The following DAB2IP variants were observed in gnomAD, a reference collection of about 807,000 sequenced individuals.
DAB2IP encodes the protein DAB2 interacting protein.
A neutral mutation model predicts 107.2 loss-of-function variants in DAB2IP; 28 were observed. The ratio of observed to expected loss-of-function variants is 0.26; its 90% CI spans 0.19 to 0.36. DAB2IP has a LOEUF of 0.36. Ranked by LOEUF, DAB2IP falls within the 10% of genes least tolerant of loss-of-function variation. The pLI is 1.00. For synonymous variants in DAB2IP, 755 were observed against 706.4 expected, an observed-to-expected ratio of 1.07 and a Z score of -1.09; for missense variants, 1,400 against 1,644.7, an observed-to-expected ratio of 0.85 and a Z score of 2.57.
At chr9:121,615,070 C>T (rs1831223154) in intron 1 of DAB2IP, among the ~76,000 whole-genome samples, 1 of 152,084 alleles carries the variant, frequency 6.6e-6, no homozygotes, top group African/African-American at 2.4e-5. Context: ...GCACTGTGCC[C>T]TCCATGAAAT....
intron 1 of DAB2IP, among the ~76,000 whole-genome samples, chr9:121,602,811 G>A (rs940543603): frequency 7.2e-5 from 11 of 152,176 alleles, no homozygotes; most frequent in Non-Finnish European, 1.6e-4. Flanking sequence ...TCCTGACCTC[G>A]TGATCCGCCC....
exon 16 of DAB2IP, chr9:121,784,287 A>G (rs1835854628): frequency 6.5e-6 from 1 of 153,254 alleles, no homozygotes; most frequent in African/African-American, 2.4e-5. Context: ...CGTGCCTGAG[A>G]CCAGGGTGGC....
Position 121,633,862 on chromosome 9 carries a change from G to A in DAB2IP, c.41-44816G>A, listed in dbSNP as rs1382507331. On this transcript the variant is annotated intron_variant, in intron 1 of 16. Transcript: ENST00000259371. The surrounding 1 kb of genome is among the most constrained non-coding windows in gnomAD (Gnocchi z 5.1). ...CAAGTTAGGTCTCTGCCATGGGTCT[G>A]GGGCTGCTGCTCTCTTCCTCAACAC... is the stretch of plus-strand genomic sequence containing the variant. 2.0e-5 allele frequency among the ~76,000 whole-genome samples: 3 copies of A among 152,216 alleles called. No homozygotes were observed. The highest frequency in any genetic ancestry group is 4.4e-5 in the Non-Finnish European group (3 of 68,038).
chr9:121,567,759 AAAAG>A (rs1207062240), intron 1 of DAB2IP, among the ~76,000 whole-genome samples: 1 of 151,946 alleles, frequency 6.6e-6, no homozygotes, highest in Non-Finnish European at 1.5e-5. Context: ...TTATTGGGGG[AAAAG>A]TTGCTCGGGA....
At chr9:121,610,640 G>A (rs886673028) in intron 1 of DAB2IP, among the ~76,000 whole-genome samples, 1 of 152,144 alleles carries the variant, frequency 6.6e-6, no homozygotes, top group East Asian at 1.9e-4. Flanking sequence ...AATTCAGCAC[G>A]TGAGGGGTGG....
At chr9:121,646,596 T>C (rs180802361), upstream of DAB2IP, among the ~76,000 whole-genome samples, 519 of 149,196 alleles carry the variant, frequency 3.5e-3, 3 homozygotes, top group African/African-American at 0.012. Flanking sequence ...CAGGCCTGCC[T>C]GGCTGGGGAC....
intron 3 of DAB2IP, among the ~76,000 whole-genome samples, chr9:121,750,526 C>T (rs1445472070): frequency 1.3e-5 from 2 of 152,206 alleles, no homozygotes; most frequent in Non-Finnish European, 2.9e-5. Flanking sequence ...ACAGCTGTGA[C>T]TGAGCTGGAA....
intron 2 of DAB2IP, among the ~76,000 whole-genome samples, chr9:121,686,869 A>G (rs1256433859): frequency 1.3e-5 from 2 of 151,978 alleles, no homozygotes; most frequent in African/African-American, 2.4e-5. Context: ...TCCCACTTCC[A>G]TACCCTTCCG....
At chr9:121,692,543 C>A (rs1273908481) in intron 2 of DAB2IP, among the ~76,000 whole-genome samples, 1 of 152,168 alleles carries the variant, frequency 6.6e-6, no homozygotes, top group Non-Finnish European at 1.5e-5. Context: ...CCTGGGGCTT[C>A]CCTGAAGGCT....
chr9:121,682,359 T>C (rs1467322338), intron 2 of DAB2IP, among the ~76,000 whole-genome samples: 1 of 152,188 alleles, frequency 6.6e-6, no homozygotes, highest in Admixed American at 6.5e-5. Flanking sequence ...TGTCAGCATC[T>C]CTTACAGGGG....
intron 3 of DAB2IP, among the ~76,000 whole-genome samples, chr9:121,741,693 G>T (rs1832360385): frequency 6.6e-6 from 1 of 151,798 alleles, no homozygotes; most frequent in African/African-American, 2.4e-5. Context: ...CAGGCTGAGA[G>T]AAAGAAATGA....
chr9:121,699,278 C>T lies in DAB2IP; in HGVS notation c.229-47C>T, dbSNP rs763449127. 8.4e-6 allele frequency: 11 copies of T among 1,316,292 alleles called. No homozygotes were observed. Among genetic ancestry groups the T allele is most frequent in the Non-Finnish European group, 9.9e-6 (10 of 1,015,016 alleles). The allele number at this position is 1,316,292 out of a possible 1,614,324, so 81.5% of individuals were successfully genotyped here. ...CGCGCGGGTCCCGGCCCGCCGCCGC[C>T]GCGCTAACCCCGCCTCCCCTTCCCC... On this transcript the variant is annotated intron_variant, in intron 2 of 15. Transcript: ENST00000408936. The surrounding 1 kb of genome is among the most constrained non-coding windows in gnomAD (Gnocchi z 6.2).
At chr9:121,738,002 G>A (rs1363813749) in intron 3 of DAB2IP, among the ~76,000 whole-genome samples, 1 of 152,102 alleles carries the variant, frequency 6.6e-6, no homozygotes, top group Non-Finnish European at 1.5e-5. Context: ...CCTCCTCCAG[G>A]GAAGCAAGCC....
chr9:121,710,792 G>A lies in DAB2IP; in HGVS notation c.362+11334G>A, dbSNP rs140947704. On this transcript the variant is annotated intron_variant, in intron 3 of 15. Transcript: ENST00000408936. ...CTGTGGGAAGATGGGTGAAGCTGGC[G>A]CTGAAATCCCCAGCCACCCCAGGCA... Among the ~76,000 whole-genome samples the A allele has an allele frequency of 2.0e-3, 301 of 152,252 alleles. 5 individuals are homozygous for A. Among genetic ancestry groups the A allele is most frequent in the Admixed American group, 0.014 (213 of 15,280 alleles).
intron 3 of DAB2IP, among the ~76,000 whole-genome samples, chr9:121,700,066 C>T (rs1829685506): frequency 6.6e-6 from 1 of 152,222 alleles, no homozygotes; most frequent in South Asian, 2.1e-4. Flanking sequence ...CAGCCTGAGG[C>T]TGGGGAGCCA....
chr9:121,619,550 T>C (rs1249263102), intron 1 of DAB2IP, among the ~76,000 whole-genome samples: 1 of 152,238 alleles, frequency 6.6e-6, no homozygotes, highest in African/African-American at 2.4e-5. Flanking sequence ...AGGCACAGTT[T>C]TGGGGCAGAT....
intron 8 of DAB2IP, among the ~76,000 whole-genome samples, chr9:121,765,248 A>G (rs978238366): frequency 3.3e-5 from 5 of 152,104 alleles, no homozygotes; most frequent in African/African-American, 9.7e-5. Flanking sequence ...CAGGGAAAAC[A>G]TATTTGTGGA....
rs536465547 is a variant in DAB2IP, at chr9:121,736,448, G to T, written c.363-20565G>T. Among the ~76,000 whole-genome samples, 16 of 152,264 alleles carry T rather than the reference G, an allele frequency of 1.1e-4. No individual in the cohort carries two copies. The highest frequency in any genetic ancestry group is 3.8e-4 in the African/African-American group (16 of 41,566). ...GCCCGGCGTGCCGAAGCGCAGCGGC[G>T]GGTCGCTAGCGGGAAGTGGCTGCAG... On this transcript the variant is annotated intron_variant, in intron 3 of 15. Coordinates refer to ENST00000408936, the Ensembl canonical transcript of DAB2IP. The surrounding 1 kb of genome is among the most constrained non-coding windows in gnomAD (Gnocchi z 4.6).
intron 1 of DAB2IP, among the ~76,000 whole-genome samples, chr9:121,668,907 C>CTTTTTTTT (rs377320590): frequency 1.4e-5 from 1 of 72,152 alleles, no homozygotes; most frequent in Admixed American, 1.9e-4. Context: ...GTAAGCCTTA[C>CTTTTTTTT]TTTTTTTTTT....
Sources: gnomAD v4.1 joint callset for allele counts (sites outside exome capture counted in the v4.1 genomes callset) on GRCh38, gnomAD v4.1.1 for gene constraint, Gnocchi (gnomAD v3.1) non-coding constraint, MANE v1.5 for transcripts, NCBI Gene and HGNC (gene_info 2026-07-23, HGNC 2026-07-21) for gene names.